RASA2: variants seen among roughly 807,000 people sequenced by gnomAD.
RASA2 encodes ras GTPase-activating protein 2.
A neutral mutation model predicts 118.2 loss-of-function variants in RASA2; 155 were observed. The ratio of observed to expected loss-of-function variants is 1.31; its 90% CI spans 1.15 to 1.50. The LOEUF (loss-of-function observed/expected upper bound fraction) is 1.50. Among genes scored for constraint, RASA2 ranks in the 40% most tolerant of loss-of-function variants. The pLI is 0.00. For missense variants in RASA2, 1,016 were observed against 1,009.6 expected (o/e 1.01, Z -0.09); for synonymous variants, 353 against 349.1 (o/e 1.01, Z -0.12).
chr3:141,551,662 T>A (rs1227810687), intron 5 of RASA2, among the ~76,000 whole-genome samples: 1 of 152,230 alleles, frequency 6.6e-6, no homozygotes, highest in Non-Finnish European at 1.5e-5. Flanking sequence ...CCTTCACTGC[T>A]GATTTTGTTC....
intron 19 of RASA2, among the ~76,000 whole-genome samples, chr3:141,603,254 T>C (rs1460664446): frequency 2.0e-5 from 3 of 152,172 alleles, no homozygotes; most frequent in Non-Finnish European, 4.4e-5. Context: ...GACATTCATT[T>C]TTATTGTGGT....
intron 19 of RASA2, among the ~76,000 whole-genome samples, chr3:141,587,955 C>G (rs1374774974): frequency 6.6e-6 from 1 of 152,154 alleles, no homozygotes; most frequent in African/African-American, 2.4e-5. Context: ...TGTTTACCAG[C>G]ATTTTGGTAG....
chr3:141,574,836 T>C (rs1279178110), intron 14 of RASA2, among the ~76,000 whole-genome samples: 1 of 152,228 alleles, frequency 6.6e-6, no homozygotes, highest in African/African-American at 2.4e-5. Flanking sequence ...GTTTTGGTGG[T>C]GAGAGGTTTT....
At chr3:141,521,078 CAAGTT>C (rs1017044705) in intron 3 of RASA2, among the ~76,000 whole-genome samples, 7 of 152,136 alleles carry the variant, frequency 4.6e-5, no homozygotes, top group Admixed American at 6.5e-5. Flanking sequence ...TGGTTTCAAA[CAAGTT>C]AAACTTAGTA....
chr3:141,526,618 A>G lies in RASA2; in HGVS notation c.356-3090A>G, dbSNP rs373633831. 8.2e-4 allele frequency among the ~76,000 whole-genome samples: 125 copies of G among 152,264 alleles called. 3 individuals carry two copies. The highest frequency in any genetic ancestry group is 2.9e-3 in the African/African-American group (119 of 41,550). On this transcript the variant is annotated intron_variant, in intron 3 of 23. Transcript: ENST00000286364. ...CTTAATTTTCCTGTGCCATTCTTATATATCATTTTCTCTAACTTTGTGGAA... is the reference window on the plus strand; with the variant it reads ...CTTAATTTTCCTGTGCCATTCTTATGTATCATTTTCTCTAACTTTGTGGAA...
chr3:141,515,118 A>G (rs2082004143), intron 2 of RASA2, among the ~76,000 whole-genome samples: 2 of 152,188 alleles, frequency 1.3e-5, no homozygotes, highest in Admixed American at 1.3e-4. Flanking sequence ...TCTATACTTT[A>G]AATTGGATTT....
At chr3:141,489,229 G>GA (rs35917720) in intron 1 of RASA2, among the ~76,000 whole-genome samples, 3,319 of 149,052 alleles carry the variant, frequency 0.022, 126 homozygotes, top group African/African-American at 0.077. Context: ...CTGCTTTCTA[G>GA]AAAAAAAAAA....
chr3:141,578,577 C>G (rs368001261), intron 15 of RASA2: 18 of 152,212 alleles, frequency 1.2e-4, no homozygotes, highest in African/African-American at 3.1e-4. Context: ...GCACCACGCC[C>G]TTTCTTGCCA....
In RASA2 at chr3:141,571,727, C is replaced by T. The variant is rs534040466; in HGVS notation, c.1169+173C>T. ...GGCAGTTAAGCTATCAAACAGTATT[C>T]ACCTACCTTAAGGACAACAATTAAT... On this transcript the variant is annotated intron_variant, in intron 11 of 23. Transcript: ENST00000286364. 3.5e-3 allele frequency among the ~76,000 whole-genome samples: 526 copies of T among 152,236 alleles called. 3 individuals carry two copies. The highest frequency in any genetic ancestry group is 0.012 in the African/African-American group (513 of 41,538).
chr3:141,580,075 A>G (rs2083079837), intron 15 of RASA2, among the ~76,000 whole-genome samples: 1 of 108,208 alleles, frequency 9.2e-6, no homozygotes, highest in Non-Finnish European at 1.8e-5. Context: ...AAAAGAAAAA[A>G]AAAAAAAAAA....
intron 14 of RASA2, among the ~76,000 whole-genome samples, chr3:141,575,310 A>T (rs1048015751): frequency 9.9e-5 from 15 of 152,272 alleles, no homozygotes; most frequent in African/African-American, 3.6e-4. Flanking sequence ...GTTGTCTAAC[A>T]TGTAGATAAA....
At chr3:141,603,222 C>T (rs2083493752) in intron 19 of RASA2, among the ~76,000 whole-genome samples, 1 of 152,044 alleles carries the variant, frequency 6.6e-6, no homozygotes, top group Non-Finnish European at 1.5e-5. Context: ...TAGCTGTGTC[C>T]CTTGGGGCCA....
rs780230616 is a variant in RASA2 at position 141,609,965 on chromosome 3, C to T, written c.2418C>T (p.Thr806=). The T allele has an allele frequency of 1.2e-6, 2 of 1,605,804 alleles. No individual in the cohort carries two copies. The highest frequency in any genetic ancestry group is 1.7e-6 in the Non-Finnish European group (2 of 1,176,138). Residue 806 remains threonine (T), a synonymous_variant, in exon 23 of 24, where the codon ACC becomes ACT. Coordinates refer to ENST00000286364, the MANE Select transcript of RASA2 (RefSeq NM_006506.5). ...SNFVIEDSVT[T]FKTIQQIKSI... The stretch of plus-strand genomic sequence containing the variant: ...TTGTAATCGAGGATTCTGTAACAAC[C>T]TTTAAGACAATTCAGCAAATAAAAA...
chr3:141,570,029 G>A (rs2151128386), intron 9 of RASA2, among the ~76,000 whole-genome samples: 2 of 150,638 alleles, frequency 1.3e-5, no homozygotes, highest in Middle Eastern at 6.9e-3. Context: ...TAGATAATGG[G>A]TACATGAGCG....
chr3:141,583,250 CCTG>C (rs1384061135), intron 17 of RASA2, among the ~76,000 whole-genome samples: 1 of 151,944 alleles, frequency 6.6e-6, no homozygotes, highest in African/African-American at 2.4e-5. Flanking sequence ...ATGGTGAAAC[CCTG>C]TTTCTACTAA....
At chr3:141,507,872 G>A (rs2081892042) in intron 1 of RASA2, among the ~76,000 whole-genome samples, 1 of 152,190 alleles carries the variant, frequency 6.6e-6, no homozygotes, top group Non-Finnish European at 1.5e-5. Flanking sequence ...GTAGCCACAA[G>A]AGAGGCTGGG....
chr3:141,573,346 T>A, intron 13 of RASA2, 125 bp downstream of exon 13: 1 of 1,009,856 alleles, frequency 9.9e-7, no homozygotes, highest in Non-Finnish European at 1.3e-6. Flanking sequence ...CACATAAGCC[T>A]TTATTATTAG....
At chr3:141,496,267 T>G (rs2081700762) in intron 1 of RASA2, among the ~76,000 whole-genome samples, 2 of 152,170 alleles carry the variant, frequency 1.3e-5, no homozygotes, top group South Asian at 4.1e-4. Flanking sequence ...GGCAAGGACT[T>G]CATGTCCAAA....
chr3:141,601,296 C>G (rs1352068225), intron 19 of RASA2, among the ~76,000 whole-genome samples: 5 of 151,922 alleles, frequency 3.3e-5, no homozygotes, highest in African/African-American at 9.7e-5. Context: ...GCATGGTGGC[C>G]CACGGCTGTA....
Sources: allele counts gnomAD v4.1 joint callset (sites outside exome capture counted in the v4.1 genomes callset), GRCh38; gene constraint gnomAD v4.1.1; transcripts MANE v1.5; gene names NCBI Gene and HGNC (gene_info 2026-07-23, HGNC 2026-07-21).